Variants in GALNT13 observed in about 807,000 individuals in gnomAD.
GALNT13 encodes UDP-GalNAc:polypeptide N-acetylgalactosaminyltransferase 13.
In GALNT13, 28 loss-of-function variants were observed where a neutral mutation model predicts 64.2. The ratio of observed to expected loss-of-function variants is 0.44; its 90% CI spans 0.32 to 0.60. GALNT13 has a LOEUF of 0.60. GALNT13 is among the 20% of genes least tolerant of loss of function. The pLI, the probability that GALNT13 is intolerant of heterozygous loss-of-function variation, is 0.05. For missense variants in GALNT13, 577 were observed against 669.8 expected (o/e 0.86, Z 1.53); for synonymous variants, 214 against 224.6 (o/e 0.95, Z 0.42).
chr2:153,890,763 C>T (rs1687497829), intron 1 of GALNT13, among the ~76,000 whole-genome samples: 3 of 152,006 alleles, frequency 2.0e-5, no homozygotes, highest in South Asian at 4.1e-4. Context: ...TTCAGCACAT[C>T]ACTCCTGTGA....
chr2:153,147,313 T>C, the GALNT13 span, among the ~76,000 whole-genome samples: 6 of 151,038 alleles, frequency 4.0e-5, no homozygotes, highest in Admixed American at 1.3e-4. Flanking sequence ...GTGCTCAGAG[T>C]GGTCAGGGGC....
At chr2:153,567,290 G>C in the GALNT13 span, among the ~76,000 whole-genome samples, 156 of 152,328 alleles carry the variant, frequency 1.0e-3, no homozygotes, top group African/African-American at 3.6e-3. Context: ...AGATGAAAAA[G>C]ATCCACTGAA....
At chr2:153,099,206 T>C in the GALNT13 span, among the ~76,000 whole-genome samples, 6 of 152,176 alleles carry the variant, frequency 3.9e-5, no homozygotes, top group African/African-American at 1.4e-4. Flanking sequence ...AAATGAGTTT[T>C]CAGTAGGTTG....
At chr2:153,172,821 A>G in the GALNT13 span, among the ~76,000 whole-genome samples, 1 of 152,200 alleles carries the variant, frequency 6.6e-6, no homozygotes, top group African/African-American at 2.4e-5. Context: ...TGAAAAACTG[A>G]AAAAGACTGA....
At chr2:153,185,466 C>T in the GALNT13 span, among the ~76,000 whole-genome samples, 2 of 152,086 alleles carry the variant, frequency 1.3e-5, no homozygotes, top group Non-Finnish European at 2.9e-5. Context: ...TTCAGTTCAG[C>T]TCTGATTTTA....
At chr2:153,261,759 G>A in the GALNT13 span, among the ~76,000 whole-genome samples, 1 of 152,126 alleles carries the variant, frequency 6.6e-6, no homozygotes, top group East Asian at 1.9e-4. Flanking sequence ...TTGTGAGCTG[G>A]CCCCCAAGCC....
At chr2:153,884,695 G>A (rs1574040884) in intron 1 of GALNT13, among the ~76,000 whole-genome samples, 1 of 149,802 alleles carries the variant, frequency 6.7e-6, no homozygotes, top group Non-Finnish European at 1.5e-5. Context: ...GAGGTGGGCG[G>A]ATCATCTGAG....
intron 3 of GALNT13, among the ~76,000 whole-genome samples, chr2:154,113,667 C>T (rs779467733): frequency 7.2e-5 from 11 of 152,212 alleles, no homozygotes; most frequent in Non-Finnish European, 1.5e-4. Flanking sequence ...GTGTTTGCTG[C>T]TTCTTGCTCA....
chr2:153,902,205 C>T (rs1355973531), intron 2 of GALNT13, among the ~76,000 whole-genome samples: 2 of 152,052 alleles, frequency 1.3e-5, no homozygotes, highest in African/African-American at 4.8e-5. Flanking sequence ...GATTATTGCT[C>T]TAAAATTGAA....
the GALNT13 span, among the ~76,000 whole-genome samples, chr2:153,161,772 A>G: frequency 1.3e-5 from 2 of 152,210 alleles, no homozygotes; most frequent in African/African-American, 4.8e-5. Flanking sequence ...TGTAAGCCAT[A>G]ATAAGACCTG....
the GALNT13 span, among the ~76,000 whole-genome samples, chr2:153,329,232 G>A: frequency 1.3e-5 from 2 of 152,210 alleles, no homozygotes; most frequent in Admixed American, 6.5e-5. Flanking sequence ...AGCTGCAGAC[G>A]GGAGCTGTTC....
chr2:154,292,890 G>T (rs566925952), intron 8 of GALNT13, among the ~76,000 whole-genome samples: 1 of 152,290 alleles, frequency 6.6e-6, no homozygotes, highest in East Asian at 1.9e-4. Flanking sequence ...AAATGTCACT[G>T]ATGTGGGTGC....
At chr2:153,210,755 T>A in the GALNT13 span, among the ~76,000 whole-genome samples, 1 of 152,192 alleles carries the variant, frequency 6.6e-6, no homozygotes, top group African/African-American at 2.4e-5. Flanking sequence ...AGTTGGCAAT[T>A]TTAGACTGCA....
chr2:154,171,658 G>A (rs572105744), intron 4 of GALNT13, among the ~76,000 whole-genome samples: 1 of 152,136 alleles, frequency 6.6e-6, no homozygotes, highest in African/African-American at 2.4e-5. Context: ...TCTGAAATAG[G>A]AGCTCCTGGA....
chr2:153,828,835 T>G, the GALNT13 span, among the ~76,000 whole-genome samples: 1 of 152,216 alleles, frequency 6.6e-6, no homozygotes, highest in African/African-American at 2.4e-5. Flanking sequence ...CTTATAAAAC[T>G]GAATGCCTTT....
At chr2:153,988,832 TATG>T (rs765234525) in intron 3 of GALNT13, among the ~76,000 whole-genome samples, 3 of 151,924 alleles carry the variant, frequency 2.0e-5, no homozygotes, top group Non-Finnish European at 4.4e-5. Context: ...GTGACTAAAG[TATG>T]ATTTTTTTGC....
intron 4 of GALNT13, among the ~76,000 whole-genome samples, chr2:154,232,307 G>A (rs1421729399): frequency 6.6e-6 from 1 of 152,048 alleles, no homozygotes; most frequent in Non-Finnish European, 1.5e-5. Flanking sequence ...TCCTGTCAAT[G>A]TTCTGCTCTG....
the GALNT13 span, among the ~76,000 whole-genome samples, chr2:153,760,938 G>A: frequency 1.3e-5 from 2 of 152,094 alleles, no homozygotes; most frequent in East Asian, 3.9e-4. Flanking sequence ...ATTTACACTT[G>A]TTATATCTTC....
chr2:153,095,836 A>G, the GALNT13 span, among the ~76,000 whole-genome samples: 2 of 152,024 alleles, frequency 1.3e-5, no homozygotes, highest in Admixed American at 6.6e-5. Context: ...GAATTGAACA[A>G]TGAAACACTT....
Sources: allele counts gnomAD v4.1 joint callset (sites outside exome capture counted in the v4.1 genomes callset), GRCh38; gene constraint gnomAD v4.1.1; transcripts MANE v1.5; gene names NCBI Gene and HGNC (gene_info 2026-07-23, HGNC 2026-07-21).